NTN1: variants seen among roughly 807,000 people sequenced by gnomAD.
NTN1 encodes the protein netrin 1, also known as netrin-1.
NTN1 carries 11 observed loss-of-function variants against 54.2 expected under a neutral mutation model. The observed-to-expected ratio is 0.20, with a 90% CI of 0.13 to 0.34. The LOEUF (loss-of-function observed/expected upper bound fraction) is 0.34, where lower values mean the gene tolerates loss of function less well. Among genes scored for constraint, NTN1 ranks in the 10% least tolerant of loss-of-function variants. The probability of loss-of-function intolerance (pLI) is 1.00; values close to 1 mark genes in which losing one functional copy is unlikely to be tolerated. For missense variants in NTN1, 740 were observed against 893.1 expected, an observed-to-expected ratio of 0.83 and a Z score of 2.18; for synonymous variants, 371 against 382.0, an observed-to-expected ratio of 0.97 and a Z score of 0.33.
intron 2 of NTN1, among the ~76,000 whole-genome samples, chr17:9,099,991 T>A (rs1487017234): frequency 1.3e-5 from 2 of 151,662 alleles, no homozygotes; most frequent in South Asian, 2.1e-4. Context: ...ATTTTATTTT[T>A]AAATAGAGAC....
At chr17:9,225,254 CA>C (rs890304311) in intron 6 of NTN1, among the ~76,000 whole-genome samples, 28 of 133,886 alleles carry the variant, frequency 2.1e-4, no homozygotes, top group East Asian at 2.0e-4. Context: ...GACTCTGTCT[CA>C]AAAAAAAAAA....
At chr17:9,196,765 T>C (rs1244730258) in intron 5 of NTN1, among the ~76,000 whole-genome samples, 1 of 151,862 alleles carries the variant, frequency 6.6e-6, no homozygotes, top group Non-Finnish European at 1.5e-5. Flanking sequence ...TTGAGTACAG[T>C]GTATTGTGGG....
chr17:9,030,954 G>C (rs1383224714), intron 2 of NTN1, among the ~76,000 whole-genome samples: 2 of 152,178 alleles, frequency 1.3e-5, no homozygotes, highest in African/African-American at 4.8e-5. Context: ...ATTGGCCTGT[G>C]TAAGGTCTCA....
chr17:9,119,861 G>T (rs1263724362), intron 2 of NTN1, among the ~76,000 whole-genome samples: 2 of 152,098 alleles, frequency 1.3e-5, no homozygotes, highest in East Asian at 3.9e-4. Flanking sequence ...GTTTTGGTTT[G>T]CATTTCCCTG....
At chr17:9,068,872 C>T (rs530421824) in intron 2 of NTN1, among the ~76,000 whole-genome samples, 2 of 152,206 alleles carry the variant, frequency 1.3e-5, no homozygotes, top group South Asian at 2.1e-4. Context: ...GTGTCATCCT[C>T]GAATTTCCAA....
rs201204310 is a variant in NTN1, at chr17:9,044,560, T to TTTTG, written c.1018+21177_1018+21180dup. Among the ~76,000 whole-genome samples the TTTTG allele has an allele frequency of 1.0e-2, 1,514 of 152,124 alleles. 24 individuals are homozygous for TTTTG. Among genetic ancestry groups the TTTTG allele is most frequent in the African/African-American group, 0.032 (1,333 of 41,500 alleles). On this transcript the variant is annotated intron_variant, in intron 2 of 6. Coordinates refer to ENST00000173229, the MANE Select transcript of NTN1 (RefSeq NM_004822.3). Reference sequence around the variant, plus strand: ...CCTCTGGCATGTTTTTTAGTTTGGTTTTTGTTTGTTTTTTAGAATAATCTC... The same window carrying TTTTG: ...CCTCTGGCATGTTTTTTAGTTTGGTTTTTGTTTGTTTGTTTTTTAGAATAATCTC...
chr17:9,198,755 C>A (rs1904704501), intron 5 of NTN1, among the ~76,000 whole-genome samples: 1 of 152,240 alleles, frequency 6.6e-6, no homozygotes. Context: ...CCCAGGAGTT[C>A]AGGCTCAGCT....
chr17:9,038,420 G>A (rs1369008723), intron 2 of NTN1, among the ~76,000 whole-genome samples: 1 of 151,974 alleles, frequency 6.6e-6, no homozygotes, highest in Non-Finnish European at 1.5e-5. Context: ...ATCACTTGTT[G>A]GAATGTTAAG....
intron 1 of NTN1, among the ~76,000 whole-genome samples, chr17:9,021,860 C>T (rs886804072): frequency 6.6e-6 from 1 of 152,172 alleles, no homozygotes; most frequent in Non-Finnish European, 1.5e-5. Context: ...TCTCTTTTGC[C>T]CCCTCCAGAG....
At chr17:9,044,454 C>T (rs947633607) in intron 2 of NTN1, among the ~76,000 whole-genome samples, 6 of 151,982 alleles carry the variant, frequency 3.9e-5, no homozygotes, top group Admixed American at 6.6e-5. Flanking sequence ...AGGCTGGTCT[C>T]GAACTCCTGA....
At chr17:9,051,107 G>A (rs910309617) in intron 2 of NTN1, among the ~76,000 whole-genome samples, 2 of 152,144 alleles carry the variant, frequency 1.3e-5, no homozygotes, top group Non-Finnish European at 2.9e-5. Context: ...ACACCCTGGG[G>A]ACCCTCGGGA....
chr17:9,008,473 C>T, the NTN1 span, among the ~76,000 whole-genome samples: 2 of 152,062 alleles, frequency 1.3e-5, no homozygotes. Context: ...GCATGTGTCA[C>T]CACGCCCAGC....
At chr17:9,020,150 G>T (rs562478478), upstream of NTN1, among the ~76,000 whole-genome samples, 1 of 152,344 alleles carries the variant, frequency 6.6e-6, no homozygotes, top group South Asian at 2.1e-4. Flanking sequence ...TAGATTCTCA[G>T]GGTTTATGAA....
intron 5 of NTN1, among the ~76,000 whole-genome samples, chr17:9,204,874 C>T (rs17675100): frequency 6.6e-6 from 1 of 151,430 alleles, no homozygotes; most frequent in East Asian, 1.9e-4. Context: ...GTAGAGTAAC[C>T]GGTGGTCTGT....
intron 2 of NTN1, among the ~76,000 whole-genome samples, chr17:9,153,728 C>A (rs2092334272): frequency 1.3e-5 from 2 of 152,186 alleles, no homozygotes; most frequent in African/African-American, 4.8e-5. Flanking sequence ...TTGAATGAAG[C>A]AACGAACGGG....
chr17:9,009,002 T>C, the NTN1 span, among the ~76,000 whole-genome samples: 61,593 of 151,968 alleles, frequency 0.41, 14,664 homozygotes, highest in African/African-American at 0.66. Flanking sequence ...GATCGCACCA[T>C]TGCACTCCAG....
At chr17:9,203,381 C>A (rs1904868128) in intron 5 of NTN1, among the ~76,000 whole-genome samples, 1 of 152,200 alleles carries the variant, frequency 6.6e-6, no homozygotes, top group Non-Finnish European at 1.5e-5. Flanking sequence ...AGATAAGTGG[C>A]TCCAGTTTAC....
intron 2 of NTN1, among the ~76,000 whole-genome samples, chr17:9,032,478 C>G (rs1360924103): frequency 1.3e-5 from 2 of 152,176 alleles, no homozygotes; most frequent in Non-Finnish European, 2.9e-5. Context: ...GCTTCTCCCA[C>G]GTGAAGGTCG....
At chr17:9,097,217 C>T (rs745885371) in intron 2 of NTN1, among the ~76,000 whole-genome samples, 14 of 152,186 alleles carry the variant, frequency 9.2e-5, no homozygotes, top group South Asian at 2.1e-4. Context: ...GAAATTCAAA[C>T]GCTGCTGTAA....
Sources: gnomAD v4.1 joint callset for allele counts (sites outside exome capture counted in the v4.1 genomes callset) on GRCh38, gnomAD v4.1.1 for gene constraint, MANE v1.5 for transcripts, NCBI Gene and HGNC (gene_info 2026-07-23, HGNC 2026-07-21) for gene names.